Variants in HDAC9 observed in about 807,000 individuals in gnomAD.
HDAC9 encodes MEF-2 interacting transcription repressor (MITR) protein.
In HDAC9, 41 loss-of-function variants were observed where a neutral mutation model predicts 139.4. The ratio of observed to expected loss-of-function variants is 0.29; its 90% CI spans 0.23 to 0.38. HDAC9 has a LOEUF of 0.38. Ranked by LOEUF, HDAC9 falls within the 10% of genes least tolerant of loss-of-function variation. The probability of loss-of-function intolerance (pLI) is 1.00; values close to 1 mark genes in which losing one functional copy is unlikely to be tolerated. For synonymous variants in HDAC9, 517 were observed against 476.2 expected (o/e 1.09, Z -1.12); for missense variants, 1,147 against 1,297.0 (o/e 0.88, Z 1.78).
At chr7:18,535,036 G>A (rs1015584264) in intron 2 of HDAC9, among the ~76,000 whole-genome samples, 1 of 152,114 alleles carries the variant, frequency 6.6e-6, no homozygotes, top group East Asian at 1.9e-4. Context: ...TCTGGCATGA[G>A]GCTGCTTGTT....
At chr7:18,132,453 A>G (rs1181460028) in intron 1 of HDAC9, among the ~76,000 whole-genome samples, 2 of 151,932 alleles carry the variant, frequency 1.3e-5, no homozygotes, top group Non-Finnish European at 2.9e-5. Context: ...TCTGGTGCCC[A>G]GGTTAAAGTG....
At chr7:18,888,380 G>A (rs1243093122) in intron 22 of HDAC9, among the ~76,000 whole-genome samples, 1 of 152,158 alleles carries the variant, frequency 6.6e-6, no homozygotes, top group Non-Finnish European at 1.5e-5. Flanking sequence ...AGCCGAGAGC[G>A]TGTCACTGCA....
intron 6 of HDAC9, among the ~76,000 whole-genome samples, chr7:18,613,589 G>A (rs1348480486): frequency 6.6e-6 from 1 of 152,122 alleles, no homozygotes; most frequent in Non-Finnish European, 1.5e-5. Flanking sequence ...ACTACTATGT[G>A]TTGTGGCTAT....
intron 2 of HDAC9, among the ~76,000 whole-genome samples, chr7:18,279,350 A>G (rs928790703): frequency 1.3e-5 from 2 of 152,156 alleles, no homozygotes; most frequent in East Asian, 3.8e-4. Context: ...TGAGATAAGA[A>G]TAAATGAAAT....
chr7:18,716,902 C>A (rs1044312245), intron 12 of HDAC9, among the ~76,000 whole-genome samples: 1 of 151,626 alleles, frequency 6.6e-6, no homozygotes, highest in East Asian at 1.9e-4. Flanking sequence ...ACCAACAGTC[C>A]TGTCTTATAA....
At chr7:18,127,587 T>TA (rs921594342) in intron 1 of HDAC9, among the ~76,000 whole-genome samples, 1 of 152,086 alleles carries the variant, frequency 6.6e-6, no homozygotes, top group Non-Finnish European at 1.5e-5. Flanking sequence ...GTGACTATTT[T>TA]AAAAAAGGAA....
At chr7:18,399,519 G>C (rs1183014394) in intron 1 of HDAC9, among the ~76,000 whole-genome samples, 1 of 152,156 alleles carries the variant, frequency 6.6e-6, no homozygotes, top group Non-Finnish European at 1.5e-5. Flanking sequence ...ACTTTCATTT[G>C]TTGTTTTGTC....
At chr7:18,247,458 T>C (rs951931332) in intron 2 of HDAC9, among the ~76,000 whole-genome samples, 30 of 152,014 alleles carry the variant, frequency 2.0e-4, no homozygotes, top group African/African-American at 7.2e-4. Flanking sequence ...GAGATGCTGC[T>C]GAAGTGATGG....
intron 7 of HDAC9, among the ~76,000 whole-genome samples, chr7:18,633,163 T>G (rs1276053205): frequency 6.6e-6 from 1 of 152,018 alleles, no homozygotes; most frequent in African/African-American, 2.4e-5. Context: ...CTTAGGTGAA[T>G]GTCTGAATTT....
At chr7:18,331,607 C>T (rs1028951250) in intron 1 of HDAC9, among the ~76,000 whole-genome samples, 1 of 147,094 alleles carries the variant, frequency 6.8e-6, no homozygotes, top group East Asian at 2.0e-4. Context: ...AAAATGTATC[C>T]CAGAACTTAA....
At chr7:18,933,771 G>T (rs1380029902) in intron 22 of HDAC9, among the ~76,000 whole-genome samples, 1 of 151,968 alleles carries the variant, frequency 6.6e-6, no homozygotes, top group Non-Finnish European at 1.5e-5. Context: ...AGAAATAAAA[G>T]AAGAAATAAA....
intron 22 of HDAC9, among the ~76,000 whole-genome samples, chr7:18,905,301 C>G (rs1419498346): frequency 1.3e-5 from 2 of 152,202 alleles, no homozygotes; most frequent in Non-Finnish European, 2.9e-5. Flanking sequence ...CTCTTACCAG[C>G]CTGCAGGCAC....
At chr7:18,091,365 ACTTT>A (rs1274640151) in intron 1 of HDAC9, among the ~76,000 whole-genome samples, 1 of 152,198 alleles carries the variant, frequency 6.6e-6, no homozygotes, top group East Asian at 1.9e-4. Flanking sequence ...TGGAAATGGT[ACTTT>A]CTTCACATCT....
intron 13 of HDAC9, among the ~76,000 whole-genome samples, chr7:18,729,736 A>G (rs988387810): frequency 6.6e-6 from 1 of 152,192 alleles, no homozygotes; most frequent in Admixed American, 6.5e-5. Flanking sequence ...TATTCCAAAA[A>G]CAAATAGGAA....
At chr7:18,777,640 G>T (rs1790891169) in intron 16 of HDAC9, among the ~76,000 whole-genome samples, 1 of 151,902 alleles carries the variant, frequency 6.6e-6, no homozygotes, top group African/African-American at 2.4e-5. Context: ...AATATTAAAT[G>T]AATAGAATCA....
intron 20 of HDAC9, 104 bp from the exon 21 acceptor site, chr7:18,835,796 T>C: frequency 1.0e-6 from 1 of 972,884 alleles, no homozygotes; most frequent in Non-Finnish European, 1.6e-6. Context: ...GATGTGTTGT[T>C]TGATGTTTAT....
chr7:18,306,219 C>G (rs1041327349), intron 1 of HDAC9, among the ~76,000 whole-genome samples: 5 of 152,198 alleles, frequency 3.3e-5, no homozygotes, highest in Admixed American at 6.5e-5. Flanking sequence ...AATACCAACT[C>G]CTGAACATCG....
chr7:18,790,706 T>C (rs1347438184), intron 16 of HDAC9, among the ~76,000 whole-genome samples: 1 of 152,162 alleles, frequency 6.6e-6, no homozygotes. Flanking sequence ...AGGTAAAACA[T>C]AGGTTGAGGT....
chr7:18,277,458 T>G (rs966996808), intron 2 of HDAC9, among the ~76,000 whole-genome samples: 1 of 152,218 alleles, frequency 6.6e-6, no homozygotes, highest in Non-Finnish European at 1.5e-5. Context: ...AAATTACTTG[T>G]ACCTGGAGTA....
Sources: allele counts gnomAD v4.1 joint callset (sites outside exome capture counted in the v4.1 genomes callset), GRCh38; gene constraint gnomAD v4.1.1; transcripts MANE v1.5; gene names NCBI Gene and HGNC (gene_info 2026-07-23, HGNC 2026-07-21).